Variants in OTUD7B observed in about 807,000 individuals in gnomAD.
OTUD7B encodes the protein OTU domain-containing protein 7B.
OTUD7B carries 34 observed loss-of-function variants against 82.2 expected under a neutral mutation model. The ratio of observed to expected loss-of-function variants is 0.41; its 90% CI spans 0.31 to 0.55. The LOEUF (loss-of-function observed/expected upper bound fraction) is 0.55, where lower values mean the gene tolerates loss of function less well. OTUD7B is among the 20% of genes least tolerant of loss of function. OTUD7B has a pLI of 0.20. For missense variants in OTUD7B, 944 were observed against 1,062.1 expected, an observed-to-expected ratio of 0.89 and a Z score of 1.55; for synonymous variants, 398 against 402.7, an observed-to-expected ratio of 0.99 and a Z score of 0.14.
chr1:150,055,593 T>G, the OTUD7B span, among the ~76,000 whole-genome samples: 1 of 152,178 alleles, frequency 6.6e-6, no homozygotes, highest in Non-Finnish European at 1.5e-5. Flanking sequence ...ACACGAATGT[T>G]CATTGCAGCA....
the OTUD7B span, among the ~76,000 whole-genome samples, chr1:150,024,850 C>A: frequency 6.6e-6 from 1 of 151,938 alleles, no homozygotes; most frequent in African/African-American, 2.4e-5. Flanking sequence ...GAGTTCAAGA[C>A]CAGCCTGGCC....
Position 149,949,054 on chromosome 1 carries a change from T to C in OTUD7B, c.1153A>G (p.Lys385Glu), listed in dbSNP as rs982968662. The C allele has an allele frequency of 1.7e-5, 27 of 1,613,288 alleles. No homozygotes were observed. Among genetic ancestry groups the C allele is most frequent in the Non-Finnish European group, 2.3e-5 (27 of 1,179,310 alleles). Reference protein sequence around the residue: ...AVIPLTDSEYKLLPLHFAVDP... With the variant: ...AVIPLTDSEYELLPLHFAVDP... ...ACAGCAAAGTGCAAGGGCAGCAGCT[T>C]ATACTCTGAATCTGTAAGTGGGATC... is the stretch of plus-strand genomic sequence containing the variant. Residue 385 changes from lysine (K) to glutamate (E), a missense_variant, in exon 10 of 12, where the codon AAG becomes GAG. Lys to Glu is a moderately conservative substitution (Grantham distance 56). Coordinates refer to ENST00000581312, the MANE Select transcript of OTUD7B (RefSeq NM_020205.4).
the OTUD7B span, among the ~76,000 whole-genome samples, chr1:150,051,449 C>G: frequency 6.6e-6 from 1 of 151,656 alleles, no homozygotes; most frequent in African/African-American, 2.4e-5. Context: ...AAACTCTGTA[C>G]TTTATTTAAC....
intron 1 of OTUD7B, among the ~76,000 whole-genome samples, chr1:150,005,848 C>T (rs1652626648): frequency 6.6e-6 from 1 of 152,108 alleles, no homozygotes; most frequent in Non-Finnish European, 1.5e-5. Context: ...AATGAAGGCT[C>T]ATTCTGGCTG....
chr1:149,943,732 T>C lies in OTUD7B; in HGVS notation c.*125A>G. 1 of 1,099,948 alleles carries C rather than the reference T, an allele frequency of 9.1e-7. No homozygotes were observed. The highest frequency in any genetic ancestry group is 1.3e-6 in the Non-Finnish European group (1 of 746,582). The allele number at this position is 1,099,948 out of a possible 1,614,324, so 68.1% of individuals were successfully genotyped here. The stretch of plus-strand genomic sequence containing the variant: ...ACTCCTGTGTGCACACACTTAAAAG[T>C]TTCCAGCCAGGCTCCCACAAACATT... On this transcript the variant is annotated 3_prime_UTR_variant, in exon 12 of 12. Transcript: ENST00000581312.
the OTUD7B span, among the ~76,000 whole-genome samples, chr1:150,024,756 C>T: frequency 1.3e-5 from 2 of 152,140 alleles, no homozygotes; most frequent in Non-Finnish European, 2.9e-5. Flanking sequence ...TTTTAGAAAA[C>T]ACCACAATTA....
the OTUD7B span, among the ~76,000 whole-genome samples, chr1:150,050,093 T>C: frequency 3.3e-5 from 5 of 151,762 alleles, no homozygotes; most frequent in African/African-American, 1.2e-4. Context: ...TACGTGCCAG[T>C]AGAGGCTGGA....
the OTUD7B span, among the ~76,000 whole-genome samples, chr1:150,049,889 T>C: frequency 1.3e-5 from 2 of 152,058 alleles, no homozygotes; most frequent in African/African-American, 4.8e-5. Flanking sequence ...TTCTCATTTT[T>C]AAAAAAGAAA....
chr1:150,008,362 T>C (rs886447351), intron 1 of OTUD7B, among the ~76,000 whole-genome samples: 2 of 152,188 alleles, frequency 1.3e-5, no homozygotes, highest in African/African-American at 2.4e-5. Context: ...TTTTAAAAAT[T>C]AGATTTTCGT....
chr1:150,003,328 C>G (rs939853963), intron 1 of OTUD7B, among the ~76,000 whole-genome samples: 6 of 152,046 alleles, frequency 3.9e-5, no homozygotes, highest in Non-Finnish European at 5.9e-5. Context: ...ATCCCATCCT[C>G]CAGCCATAAT....
At position 149,944,286 on chromosome 1, in the gene OTUD7B, C is replaced by A. The variant is rs56929499; in HGVS notation, c.2103G>T (p.Pro701=). The A allele has an allele frequency of 4.0e-3, 6,493 of 1,610,142 alleles. 159 individuals carry two copies. In the African/African-American group the frequency reaches 0.066, roughly 16 times the overall value. ...CCTGGCAGTGGACTCCGCCCCCAGA[C>A]GGCCGAGGGATAGTAAAGTCCCCAG... is the stretch of plus-strand genomic sequence containing the variant. ...GYPGDFTIPR[P]SGGGVHCQEP... is the part of the protein sequence containing the mutation. Residue 701 remains proline (P), a synonymous_variant, in exon 12 of 12, where the codon CCG becomes CCT. Transcript: ENST00000581312.
In OTUD7B at chr1:149,939,792, G is replaced by C. The variant is rs2092749289; in HGVS notation, c.*4065C>G. ...TAAAATACAAAAATTAGCCGGGCAT[G>C]ATTGCGGGTGCCTGTAATCCCAGCC... On this transcript the variant is annotated 3_prime_UTR_variant, in exon 12 of 12. Coordinates refer to ENST00000581312, the MANE Select transcript of OTUD7B (RefSeq NM_020205.4). 6.6e-6 allele frequency: 1 copy of C among 152,230 alleles called. No individual in the cohort carries two copies. The highest frequency in any genetic ancestry group is 1.5e-5 in the Non-Finnish European group (1 of 68,056). The allele number at this position is 152,230 out of a possible 1,614,324, so 9.4% of individuals were successfully genotyped here. A position where few individuals can be genotyped will look rare whatever the true frequency, so the allele number is the denominator to read the frequency against.
chr1:150,026,767 A>G, the OTUD7B span, among the ~76,000 whole-genome samples: 1 of 152,196 alleles, frequency 6.6e-6, no homozygotes, highest in African/African-American at 2.4e-5. Context: ...GAAATGAGAA[A>G]TTTCTGAATA....
chr1:150,026,035 A>G, the OTUD7B span, among the ~76,000 whole-genome samples: 3 of 152,254 alleles, frequency 2.0e-5, no homozygotes, highest in Non-Finnish European at 4.4e-5. Flanking sequence ...TATGAATTTT[A>G]GAAAATACAA....
In OTUD7B at chr1:149,940,452, C is replaced by T. The variant is rs2092753785; in HGVS notation, c.*3405G>A. ...AAGGGAGAAGCGGAGGCCTATCCTA[C>T]AGTAATACTTACTCCATTGGAGATG... On this transcript the variant is annotated 3_prime_UTR_variant, in exon 12 of 12. Transcript: ENST00000581312. 6.6e-6 allele frequency: 1 copy of T among 152,160 alleles called. No homozygotes were observed. Among genetic ancestry groups the T allele is most frequent in the Non-Finnish European group, 1.5e-5 (1 of 68,028 alleles). The allele number at this position is 152,160 out of a possible 1,614,324, so 9.4% of individuals were successfully genotyped here. A position where few individuals can be genotyped will look rare whatever the true frequency, so the allele number is the denominator to read the frequency against.
At chr1:149,955,728 G>A (rs1280467979) in intron 7 of OTUD7B, among the ~76,000 whole-genome samples, 13 of 152,056 alleles carry the variant, frequency 8.5e-5, no homozygotes, top group Non-Finnish European at 1.2e-4. Context: ...CGGTGCTCCT[G>A]TATTGGGTGC....
At chr1:150,011,928 T>C (rs1553787504), upstream of OTUD7B, among the ~76,000 whole-genome samples, 2 of 152,166 alleles carry the variant, frequency 1.3e-5, no homozygotes, top group African/African-American at 4.8e-5. Context: ...AACTGACACC[T>C]GAAACAGGGA....
chr1:150,037,492 T>C, the OTUD7B span, among the ~76,000 whole-genome samples: 1 of 152,212 alleles, frequency 6.6e-6, no homozygotes, highest in Non-Finnish European at 1.5e-5. Context: ...TCTTCATATA[T>C]TTTCCTTTTT....
intron 1 of OTUD7B, among the ~76,000 whole-genome samples, chr1:149,983,764 G>A (rs782343998): frequency 1.3e-5 from 2 of 152,142 alleles, no homozygotes; most frequent in African/African-American, 2.4e-5. Flanking sequence ...ATAATCAGAT[G>A]TGAATTGTTA....
Sources: allele counts gnomAD v4.1 joint callset (sites outside exome capture counted in the v4.1 genomes callset), GRCh38; gene constraint gnomAD v4.1.1; transcripts MANE v1.5; gene names NCBI Gene and HGNC (gene_info 2026-07-23, HGNC 2026-07-21).